C1QTNF8: variants seen among roughly 807,000 people sequenced by gnomAD.
The protein encoded by C1QTNF8 is complement C1q tumor necrosis factor-related protein 8.
A neutral mutation model predicts 19.2 loss-of-function variants in C1QTNF8; 27 were observed. The ratio of observed to expected loss-of-function variants is 1.41; its 90% confidence interval spans 1.04 to 1.94. C1QTNF8 has a LOEUF of 1.94. Ranked by LOEUF, C1QTNF8 falls within the 30% of genes most tolerant of loss-of-function variation. The pLI is 0.00. For synonymous variants in C1QTNF8, 208 were observed against 172.8 expected, an observed-to-expected ratio of 1.20 and a Z score of -1.60; for missense variants, 484 against 374.4, an observed-to-expected ratio of 1.29 and a Z score of -2.42.
intron 4 of C1QTNF8, among the ~76,000 whole-genome samples, chr16:1,093,077 C>T (rs1960588211): frequency 2.2e-5 from 3 of 137,344 alleles, no homozygotes; most frequent in African/African-American, 5.8e-5. Context: ...ACAGTCGGCG[C>T]TCAACCAATC....
rs1224306240 is a variant in C1QTNF8, at chr16:1,090,054, C to G, written c.*545G>C. 2.6e-5 allele frequency: 4 copies of G among 152,614 alleles called. No individual in the cohort carries two copies. Among genetic ancestry groups the G allele is most frequent in the Admixed American group, 2.0e-4 (3 of 15,306 alleles). The allele number at this position is 152,614 out of a possible 1,614,324, so 9.5% of individuals were successfully genotyped here. A position where few individuals can be genotyped will look rare whatever the true frequency, so the allele number is the denominator to read the frequency against. ...CCGGGTCCAGCCCCAGCGCCAGTGCCCCTCCTGTCTCTAGCAGGGCCAGGG... is the reference window on the plus strand; with the variant it reads ...CCGGGTCCAGCCCCAGCGCCAGTGCGCCTCCTGTCTCTAGCAGGGCCAGGG... On this transcript the variant is annotated 3_prime_UTR_variant, in exon 5 of 5. Transcript: ENST00000328449.
chr16:1,094,898 G>A lies in C1QTNF8; in HGVS notation c.25C>T (p.Leu9=). 10 of 1,354,668 alleles carry A rather than the reference G, an allele frequency of 7.4e-6. No individual in the cohort carries two copies. Among genetic ancestry groups the A allele is most frequent in the Non-Finnish European group, 9.5e-6 (10 of 1,048,126 alleles). The allele number at this position is 1,354,668 out of a possible 1,614,324, so 83.9% of individuals were successfully genotyped here. Residue 9 remains leucine (L), a synonymous_variant, in exon 3 of 5, where the codon CTA becomes TTA. Transcript: ENST00000328449. MAAPALLL[L]ALLLPVGAWP... ...GCCCCCACGGGCAGCAGCAGTGCTA[G>A]GAGCAGCAGGGCGGGGGCTGCCATC...
chr16:1,094,721 G>C lies in C1QTNF8; in HGVS notation c.202C>G (p.Leu68Val), dbSNP rs760885203. The C allele has an allele frequency of 1.9e-6, 3 of 1,592,808 alleles. No homozygotes were observed. Among genetic ancestry groups the C allele is most frequent in the African/African-American group, 1.4e-5 (1 of 73,130 alleles). Residue 68 changes from leucine to valine, a missense_variant, in exon 3 of 5, where the codon CTC becomes GTC. Transcript: ENST00000328449. ...RVRPTIDIEI[L>V]KGEKGEAGVR... Reference sequence around the variant, plus strand: ...CAGCACCCACGGGCCTCACCTTTGAGGATTTCGATGTCTATAGTGGGCCGT... The same window carrying C: ...CAGCACCCACGGGCCTCACCTTTGACGATTTCGATGTCTATAGTGGGCCGT...
chr16:1,095,952 T>C (rs1567394416), intron 1 of C1QTNF8, among the ~76,000 whole-genome samples, 164 bp from the exon 2 acceptor site: 1 of 151,896 alleles, frequency 6.6e-6, no homozygotes, highest in Non-Finnish European at 1.5e-5. Context: ...CAGGAGTGGG[T>C]GTGTGCATGC....
rs1295856385 is a variant in C1QTNF8, at chr16:1,094,420, G to A, written c.208+295C>T. Reference sequence around the variant, plus strand: ...CGTGTCAAGGGGTCTCAGAGCAAGCGGGCTGCCCAGGCTCCCTTCCCAAGG... The same window carrying A: ...CGTGTCAAGGGGTCTCAGAGCAAGCAGGCTGCCCAGGCTCCCTTCCCAAGG... On this transcript the variant is annotated intron_variant, in intron 3 of 4. Coordinates refer to ENST00000328449, the MANE Select transcript of C1QTNF8 (RefSeq NM_207419.3). Among the ~76,000 whole-genome samples the A allele has an allele frequency of 3.9e-5, 6 of 152,166 alleles. 1 individual carries two copies. Among genetic ancestry groups the A allele is most frequent in the East Asian group, 1.9e-4 (1 of 5,196 alleles).
In C1QTNF8 at chr16:1,093,665, G is replaced by C; in HGVS notation, c.595C>G (p.Arg199Gly). The change falls in exon 4 of 5, where the codon CGC (arginine) becomes GGC (glycine). Residue 199 changes from arginine (R) to glycine (G), a missense_variant. Physicochemically the swap from Arg to Gly is moderately radical, Grantham distance 125 (BLOSUM62 -2). Transcript: ENST00000328449. ...AGGCTCTGGGCCTGCATGACGCTGC[G>C]CTCGCTGGGCTGCGCGTAGAGCACG... is the stretch of plus-strand genomic sequence containing the variant. The part of the protein sequence containing the change: ...AAVLYAQPSE[R>G]SVMQAQSLML... 4 of 1,609,596 alleles carry C rather than the reference G, an allele frequency of 2.5e-6. No homozygotes were observed. The highest frequency in any genetic ancestry group is 2.5e-6 in the Non-Finnish European group (3 of 1,177,916).
At position 1,093,639 on chromosome 16, in the gene C1QTNF8, C is replaced by T. The variant is rs759777871; in HGVS notation, c.621G>A (p.Leu207=). Residue 207 remains leucine, a synonymous_variant, in exon 4 of 5, where the codon CTG becomes CTA. Coordinates refer to ENST00000328449, the MANE Select transcript of C1QTNF8 (RefSeq NM_207419.3). ...SERSVMQAQS[L]MLLLAAGDAV... ...CGTCGCCCGCCGCCAGCAGCAGCATCAGGCTCTGGGCCTGCATGACGCTGC... is the reference window on the plus strand; with the variant it reads ...CGTCGCCCGCCGCCAGCAGCAGCATTAGGCTCTGGGCCTGCATGACGCTGC... 1 of 1,610,270 alleles carries T rather than the reference C, an allele frequency of 6.2e-7. No homozygotes were observed. The highest frequency in any genetic ancestry group is 8.5e-7 in the Non-Finnish European group (1 of 1,178,592).
At chr16:1,093,384 CCACACCCACACCCACCCACACACA>C (rs1444846333) in intron 4 of C1QTNF8, 89 bp downstream of exon 4, 20 of 401,810 alleles carry the variant, frequency 5.0e-5, no homozygotes, top group Middle Eastern at 7.5e-4. Flanking sequence ...GCCCACCCCA[CCACACCCACACCCACCCACACACA>C]CACACCCACA....
Position 1,093,640 on chromosome 16 carries a change from A to G in C1QTNF8, c.620T>C (p.Leu207Pro), listed in dbSNP as rs765700680. Reference protein sequence around the residue: ...SERSVMQAQSLMLLLAAGDAV... With the variant: ...SERSVMQAQSPMLLLAAGDAV... ...GTCGCCCGCCGCCAGCAGCAGCATCAGGCTCTGGGCCTGCATGACGCTGCG... is the reference window on the plus strand; with the variant it reads ...GTCGCCCGCCGCCAGCAGCAGCATCGGGCTCTGGGCCTGCATGACGCTGCG... The change falls in exon 4 of 5, where the codon CTG becomes CCG. Residue 207 changes from leucine to proline, a missense_variant. Leu to Pro is a moderately conservative substitution (Grantham distance 98). Transcript: ENST00000328449. 21 of 1,609,856 alleles carry G rather than the reference A, an allele frequency of 1.3e-5. No homozygotes were observed. Among genetic ancestry groups the G allele is most frequent in the Admixed American group, 3.3e-5 (2 of 59,778 alleles).
Position 1,093,534 on chromosome 16 carries a change from G to T in C1QTNF8, c.726C>A (p.Ser242Arg). The T allele has an allele frequency of 6.4e-7, 1 of 1,560,878 alleles. No individual in the cohort carries two copies. Among genetic ancestry groups the T allele is most frequent in the Non-Finnish European group, 8.7e-7 (1 of 1,149,746 alleles). Residue 242 changes from serine to arginine, a missense_variant, in exon 4 of 5, where the codon AGC (serine) becomes AGA (arginine). Transcript: ENST00000328449. ...GEHGDLYITF[S>R]GHLVKPAAEL ...CGGCGGCCGGCTTGACCAGGTGGCC[G>T]CTGAAGGTGATGTAGAGGTCTCCGT...
In C1QTNF8 at chr16:1,096,236, C is replaced by T. The variant is rs1266792210; in HGVS notation, c.-266G>A. The T allele has an allele frequency of 6.6e-6, 1 of 152,008 alleles. No individual in the cohort carries two copies. The highest frequency in any genetic ancestry group is 2.4e-5 in the African/African-American group (1 of 41,350). 9.4% of individuals were successfully genotyped at this position (152,008 alleles called of 1,614,324 possible). A position where few individuals can be genotyped will look rare whatever the true frequency, so the allele number is the denominator to read the frequency against. The stretch of plus-strand genomic sequence containing the variant: ...ATGCCCGCCTGGGCGCCCGTGGCTT[C>T]CTCTGGGCTGTCCAAGAGCAACAGG... On this transcript the variant is annotated 5_prime_UTR_variant, in exon 1 of 5. Transcript: ENST00000328449.
At chr16:1,092,542 GCGCT>G (rs1960571940) in intron 4 of C1QTNF8, among the ~76,000 whole-genome samples, 2 of 125,562 alleles carry the variant, frequency 1.6e-5, no homozygotes, top group Admixed American at 7.7e-5. Context: ...CACACAGTCG[GCGCT>G]CAATCAATCC....
rs201198103 is a variant in C1QTNF8 at position 1,089,087 on chromosome 16, C to CGGGCCA, written c.*1506_*1511dup. On this transcript the variant is annotated 3_prime_UTR_variant, in exon 5 of 5. Coordinates refer to ENST00000328449, the MANE Select transcript of C1QTNF8 (RefSeq NM_207419.3). ...CAGAGGCTGGAGACCCCAGGGCAGC[C>CGGGCCA]GGGCCAGGGCCAGGGCCAGGGAAAG... Among the ~76,000 whole-genome samples the CGGGCCA allele has an allele frequency of 2.6e-5, 4 of 152,152 alleles. No individual in the cohort carries two copies. Among genetic ancestry groups the CGGGCCA allele is most frequent in the Admixed American group, 6.5e-5 (1 of 15,284 alleles).
At chr16:1,093,397 C>T in intron 4 of C1QTNF8, 100 bp downstream of exon 4, 1 of 570,496 alleles carries the variant, frequency 1.8e-6, no homozygotes, top group South Asian at 2.3e-5. Flanking sequence ...CACCCACACC[C>T]ACCCACACAC....
At position 1,089,195 on chromosome 16, in the gene C1QTNF8, G is replaced by A. The variant is rs902005837; in HGVS notation, c.*1404C>T. On this transcript the variant is annotated 3_prime_UTR_variant, in exon 5 of 5. Coordinates refer to ENST00000328449, the MANE Select transcript of C1QTNF8 (RefSeq NM_207419.3). Reference sequence around the variant, plus strand: ...AGGAGATGTCCTCCCTGGCCCTGGGGTGGTCCGGACCCCTGGCTCCCATCT... The same window carrying A: ...AGGAGATGTCCTCCCTGGCCCTGGGATGGTCCGGACCCCTGGCTCCCATCT... Among the ~76,000 whole-genome samples, 5 of 152,080 alleles carry A rather than the reference G, an allele frequency of 3.3e-5. No homozygotes were observed. The highest frequency in any genetic ancestry group is 1.9e-4 in the East Asian group (1 of 5,192).
At chr16:1,093,426 CCACACACACACACACAGA>C in intron 4 of C1QTNF8, 53 bp downstream of exon 4, 1 of 1,007,506 alleles carries the variant, frequency 9.9e-7, no homozygotes, top group East Asian at 3.0e-5. Context: ...ACACCCACCC[CCACACACACACACACAGA>C]CACACACACA....
rs1278523884 is a variant in C1QTNF8 at position 1,093,721 on chromosome 16, A to G, written c.539T>C (p.Leu180Pro). ...GGGCCGCCGGTTCAGCATGATGTGC[A>G]GGTAGGTCTCCTTGTAGTTCCAGGT... Reference protein sequence around the residue: ...VHTWNYKETYLHIMLNRRPAA... With the variant: ...VHTWNYKETYPHIMLNRRPAA... Residue 180 changes from leucine (L) to proline (P), a missense_variant, in exon 4 of 5, where the codon CTG becomes CCG. Coordinates refer to ENST00000328449, the MANE Select transcript of C1QTNF8 (RefSeq NM_207419.3). 3 of 1,611,878 alleles carry G rather than the reference A, an allele frequency of 1.9e-6. No individual in the cohort carries two copies. Among genetic ancestry groups the G allele is most frequent in the East Asian group, 4.5e-5 (2 of 44,836 alleles).
chr16:1,091,022 C>A (rs1320031114), intron 4 of C1QTNF8, among the ~76,000 whole-genome samples: 1 of 152,178 alleles, frequency 6.6e-6, no homozygotes, highest in African/African-American at 2.4e-5. Context: ...GTGGGCCCAG[C>A]TGCTCAGAGA....
At chr16:1,091,990 G>A (rs992925141) in intron 4 of C1QTNF8, among the ~76,000 whole-genome samples, 1 of 152,174 alleles carries the variant, frequency 6.6e-6, no homozygotes, top group African/African-American at 2.4e-5. Flanking sequence ...CCTCAGCAAG[G>A]GTGCCTGGCA....
Sources: allele counts gnomAD v4.1 joint callset (sites outside exome capture counted in the v4.1 genomes callset), GRCh38; gene constraint gnomAD v4.1.1; transcripts MANE v1.5; gene names NCBI Gene and HGNC (gene_info 2026-07-23, HGNC 2026-07-21).